ANO4: variants seen among roughly 807,000 people sequenced by gnomAD.
ANO4 encodes the protein anoctamin-4.
A neutral mutation model predicts 141.9 loss-of-function variants in ANO4; 69 were observed. The observed-to-expected ratio is 0.49, with a 90% CI of 0.40 to 0.59. ANO4 has a LOEUF of 0.59. Ranked by LOEUF, ANO4 falls within the 20% of genes least tolerant of loss-of-function variation. The pLI, the probability that ANO4 is intolerant of heterozygous loss-of-function variation, is 0.00. For missense variants in ANO4, 894 were observed against 1,162.2 expected (o/e 0.77, Z 3.36); for synonymous variants, 350 against 394.3 (o/e 0.89, Z 1.33).
At chr12:100,996,741 T>G (rs1729976076) in intron 8 of ANO4, among the ~76,000 whole-genome samples, 1 of 152,124 alleles carries the variant, frequency 6.6e-6, no homozygotes. Context: ...GGACAGTGAG[T>G]GGGAGATTCT....
chr12:100,889,559 C>G (rs1282460830), intron 1 of ANO4, among the ~76,000 whole-genome samples: 1 of 152,152 alleles, frequency 6.6e-6, no homozygotes, highest in Admixed American at 6.5e-5. Context: ...AAAAACAACC[C>G]CCTCGAATAG....
At chr12:100,948,719 T>C (rs1050477970) in intron 5 of ANO4, among the ~76,000 whole-genome samples, 1 of 152,212 alleles carries the variant, frequency 6.6e-6, no homozygotes, top group Non-Finnish European at 1.5e-5. Flanking sequence ...GTTACTTAGC[T>C]AGTCCTTGTG....
intron 2 of ANO4, among the ~76,000 whole-genome samples, chr12:100,919,744 C>G (rs140674792): frequency 0.04 from 5,234 of 132,094 alleles, 247 homozygotes; most frequent in African/African-American, 0.13. Context: ...ATGTATCTAT[C>G]TATCTATCTA....
At chr12:101,088,386 A>G (rs866443573) in intron 17 of ANO4, among the ~76,000 whole-genome samples, 6 of 151,774 alleles carry the variant, frequency 4.0e-5, no homozygotes, top group Admixed American at 6.6e-5. Flanking sequence ...ACAATTTCCC[A>G]TCTGCTTGCC....
intron 7 of ANO4, among the ~76,000 whole-genome samples, chr12:100,975,219 G>A (rs1428694006): frequency 3.3e-5 from 5 of 151,050 alleles, no homozygotes; most frequent in Admixed American, 1.3e-4. Context: ...TGGTTACGTG[G>A]ATAAGTTATT....
intron 1 of ANO4, among the ~76,000 whole-genome samples, chr12:100,852,884 A>G (rs2037954338): frequency 6.6e-6 from 1 of 152,230 alleles, no homozygotes; most frequent in Non-Finnish European, 1.5e-5. Context: ...CATGTTGGCA[A>G]TTTAAATAAA....
At chr12:100,755,471 T>C (rs562648531) in intron 3 of ANO4, among the ~76,000 whole-genome samples, 1 of 152,314 alleles carries the variant, frequency 6.6e-6, no homozygotes, top group African/African-American at 2.4e-5. Context: ...GGAGAATGTC[T>C]GATTTGAATT....
At position 101,059,213 on chromosome 12, in the gene ANO4, A is replaced by G. The variant is rs143657800; in HGVS notation, c.1312+10812A>G. 8.7e-3 allele frequency among the ~76,000 whole-genome samples: 1,317 copies of G among 152,248 alleles called. 19 individuals carry two copies. Among genetic ancestry groups the G allele is most frequent in the African/African-American group, 0.03 (1,254 of 41,564 alleles). Reference sequence around the variant, plus strand: ...AGCCTTGCATCCCAGGGATGAAGCCAACTTGATTGTGGTGGATAAGCTTTT... The same window carrying G: ...AGCCTTGCATCCCAGGGATGAAGCCGACTTGATTGTGGTGGATAAGCTTTT... On this transcript the variant is annotated intron_variant, in intron 14 of 27. Transcript: ENST00000392977.
At chr12:101,102,046 T>C (rs546310310) in intron 22 of ANO4, among the ~76,000 whole-genome samples, 9 of 152,076 alleles carry the variant, frequency 5.9e-5, no homozygotes, top group African/African-American at 2.2e-4. Context: ...ATTGCACCAT[T>C]GCACTCCAGC....
intron 8 of ANO4, among the ~76,000 whole-genome samples, chr12:100,993,392 A>G (rs1335101729): frequency 1.3e-5 from 2 of 152,196 alleles, no homozygotes; most frequent in Non-Finnish European, 2.9e-5. Flanking sequence ...CTTTAATACA[A>G]TAGTTTGAGG....
chr12:100,952,806 C>G (rs2043024333), intron 5 of ANO4, among the ~76,000 whole-genome samples: 1 of 152,178 alleles, frequency 6.6e-6, no homozygotes, highest in South Asian at 2.1e-4. Context: ...ATTGCCTCAA[C>G]TGCTTTTGCT....
chr12:100,845,258 TG>T (rs1366355173), intron 1 of ANO4, among the ~76,000 whole-genome samples: 2 of 152,260 alleles, frequency 1.3e-5, no homozygotes, highest in East Asian at 1.9e-4. Context: ...AAGCTGTGAA[TG>T]GGCGGAACCT....
rs577958285 is a variant in ANO4 at position 100,973,247 on chromosome 12, A to G, written c.558-1598A>G. ...ATTATTGTGTCCACAGTTTCAGACAAATAACTCTAGTCTAAGGAGATACAT... is the reference window on the plus strand; with the variant it reads ...ATTATTGTGTCCACAGTTTCAGACAGATAACTCTAGTCTAAGGAGATACAT... On this transcript the variant is annotated intron_variant, in intron 6 of 27. Transcript: ENST00000392977. Among the ~76,000 whole-genome samples the G allele has an allele frequency of 3.1e-3, 474 of 152,352 alleles. 5 individuals carry two copies. Among genetic ancestry groups the G allele is most frequent in the African/African-American group, 0.01 (420 of 41,580 alleles).
chr12:100,971,445 T>C lies in ANO4; in HGVS notation c.557+39T>C, dbSNP rs909935913. 1.0e-5 allele frequency: 14 copies of C among 1,396,924 alleles called. No homozygotes were observed. In the African/African-American group the frequency reaches 2.0e-4, roughly 20 times the overall value. The allele number at this position is 1,396,924 out of a possible 1,614,324, so 86.5% of individuals were successfully genotyped here. On this transcript the variant is annotated intron_variant, in intron 6 of 27. Coordinates refer to ENST00000392977, the MANE Select transcript of ANO4 (RefSeq NM_001286615.2). ...TATTTTATTCCACTCTCTCTGCTGC[T>C]TCACTGTAAATCTAATGTTCTCCTC...
At chr12:100,956,524 A>G (rs776638661) in intron 5 of ANO4, among the ~76,000 whole-genome samples, 25 of 152,194 alleles carry the variant, frequency 1.6e-4, no homozygotes, top group Non-Finnish European at 3.4e-4. Context: ...GAAGTGCATT[A>G]TGTCGCCTCT....
At chr12:101,029,285 AT>A (rs1422714889) in intron 9 of ANO4, among the ~76,000 whole-genome samples, 1 of 152,198 alleles carries the variant, frequency 6.6e-6, no homozygotes, top group Admixed American at 6.5e-5. Context: ...AGTATGCAAA[AT>A]AACCAGATAG....
At chr12:100,786,853 A>G (rs2033888602) in intron 3 of ANO4, among the ~76,000 whole-genome samples, 1 of 152,204 alleles carries the variant, frequency 6.6e-6, no homozygotes, top group Non-Finnish European at 1.5e-5. Context: ...AGGGATTTTT[A>G]AAATTCTTTG....
chr12:100,851,870 T>C (rs563385683), intron 1 of ANO4, among the ~76,000 whole-genome samples: 2 of 152,144 alleles, frequency 1.3e-5, no homozygotes, highest in South Asian at 4.2e-4. Flanking sequence ...TAAAGGTCCT[T>C]AGTGGGAGTA....
intron 2 of ANO4, among the ~76,000 whole-genome samples, chr12:100,902,334 C>G (rs2040632201): frequency 6.6e-6 from 1 of 152,138 alleles, no homozygotes; most frequent in Non-Finnish European, 1.5e-5. Context: ...TCTGTGATCT[C>G]TTTAAAATAT....
Sources: allele counts gnomAD v4.1 joint callset (sites outside exome capture counted in the v4.1 genomes callset), GRCh38; gene constraint gnomAD v4.1.1; transcripts MANE v1.5; gene names NCBI Gene and HGNC (gene_info 2026-07-23, HGNC 2026-07-21).